Variants in CNBD1 observed in about 807,000 individuals in gnomAD.
CNBD1 encodes the protein cyclic nucleotide binding domain containing 1.
In CNBD1, 71 loss-of-function variants were observed where a neutral mutation model predicts 54.4. That is an observed-to-expected ratio of 1.30 (90% CI 1.08 to 1.59). CNBD1 has a LOEUF of 1.59. Among genes scored for constraint, CNBD1 ranks in the 40% most tolerant of loss-of-function variants. The pLI, the probability that CNBD1 is intolerant of heterozygous loss-of-function variation, is 0.00. For missense variants in CNBD1, 659 were observed against 518.0 expected (o/e 1.27, Z -2.64); for synonymous variants, 182 against 170.7 (o/e 1.07, Z -0.51).
intron 4 of CNBD1, among the ~76,000 whole-genome samples, chr8:87,028,062 C>A (rs959958846): frequency 6.6e-6 from 1 of 152,158 alleles, no homozygotes; most frequent in Non-Finnish European, 1.5e-5. Flanking sequence ...ACACAACACA[C>A]AATTACAAGC....
intron 5 of CNBD1, among the ~76,000 whole-genome samples, chr8:87,220,441 C>G (rs1403709242): frequency 6.6e-6 from 1 of 151,290 alleles, no homozygotes; most frequent in Non-Finnish European, 1.5e-5. Context: ...GTCTCTGCAA[C>G]TTCACTTTCT....
intron 4 of CNBD1, among the ~76,000 whole-genome samples, chr8:87,087,256 T>C (rs1168484018): frequency 7.1e-6 from 1 of 141,366 alleles, no homozygotes; most frequent in East Asian, 2.0e-4. Context: ...CGTATATATA[T>C]ATATACATAT....
At chr8:87,093,597 C>G (rs779363259) in intron 4 of CNBD1, among the ~76,000 whole-genome samples, 1 of 152,128 alleles carries the variant, frequency 6.6e-6, no homozygotes, top group Non-Finnish European at 1.5e-5. Context: ...TTCACAGTAA[C>G]GCCGAGATTG....
intron 4 of CNBD1, among the ~76,000 whole-genome samples, chr8:87,008,245 C>T (rs780894950): frequency 2.6e-5 from 4 of 152,086 alleles, no homozygotes; most frequent in South Asian, 2.1e-4. Context: ...TTGTTTTTAA[C>T]GTAATCTTTA....
At chr8:87,091,808 C>T (rs1406358033) in intron 4 of CNBD1, among the ~76,000 whole-genome samples, 2 of 148,920 alleles carry the variant, frequency 1.3e-5, no homozygotes, top group African/African-American at 5.0e-5. Flanking sequence ...TTTTTTTTTG[C>T]ATTAAAGGTG....
rs575658861 is a variant in CNBD1, at chr8:87,028,051, C to A, written c.431+88297C>A. Among the ~76,000 whole-genome samples the A allele has an allele frequency of 2.4e-3, 368 of 152,238 alleles. 4 individuals carry two copies. The highest frequency in any genetic ancestry group is 4.3e-3 in the Non-Finnish European group (292 of 68,014). On this transcript the variant is annotated intron_variant, in intron 4 of 10. Transcript: ENST00000518476. ...TCCCTGGACACACACACACACACAA[C>A]ACACAACACACAATTACAAGCATGT...
intron 4 of CNBD1, among the ~76,000 whole-genome samples, chr8:86,998,390 C>T (rs1182867213): frequency 1.3e-5 from 2 of 152,096 alleles, no homozygotes; most frequent in African/African-American, 4.8e-5. Flanking sequence ...GCCATTTTTA[C>T]ACGGTGAAAT....
intron 2 of CNBD1, among the ~76,000 whole-genome samples, chr8:87,412,686 A>G (rs1316246904): frequency 6.6e-6 from 1 of 152,092 alleles, no homozygotes; most frequent in Non-Finnish European, 1.5e-5. Context: ...TTATTTAGCT[A>G]AAGTTTGAGG....
intron 6 of CNBD1, among the ~76,000 whole-genome samples, chr8:87,240,924 C>T (rs1807684732): frequency 6.6e-6 from 1 of 152,066 alleles, no homozygotes; most frequent in Non-Finnish European, 1.5e-5. Flanking sequence ...AGGAGGTTCT[C>T]CAGGGTTGTT....
At chr8:87,217,181 T>C (rs1420539643) in intron 5 of CNBD1, among the ~76,000 whole-genome samples, 1 of 152,140 alleles carries the variant, frequency 6.6e-6, no homozygotes, top group Non-Finnish European at 1.5e-5. Flanking sequence ...AATAAATATG[T>C]GTTTATTTTA....
intron 5 of CNBD1, among the ~76,000 whole-genome samples, chr8:87,226,271 G>A (rs960120602): frequency 2.0e-5 from 3 of 150,660 alleles, no homozygotes; most frequent in African/African-American, 7.4e-5. Flanking sequence ...GTTATTTCTT[G>A]CCTTCTGCTA....
At chr8:87,363,378 G>T (rs1475561338) in intron 10 of CNBD1, among the ~76,000 whole-genome samples, 1 of 152,094 alleles carries the variant, frequency 6.6e-6, no homozygotes, top group Non-Finnish European at 1.5e-5. Context: ...TGGGATTGCT[G>T]GGTCAAATGA....
intron 10 of CNBD1, among the ~76,000 whole-genome samples, chr8:87,380,272 A>G (rs778345401): frequency 2.0e-5 from 3 of 151,970 alleles, no homozygotes; most frequent in Non-Finnish European, 4.4e-5. Flanking sequence ...AATGGACATG[A>G]TAATACTTAA....
chr8:86,988,251 G>T (rs554211008), intron 4 of CNBD1, among the ~76,000 whole-genome samples: 1 of 151,470 alleles, frequency 6.6e-6, no homozygotes, highest in African/African-American at 2.4e-5. Flanking sequence ...ATGTTTCCAG[G>T]AACTTATCTA....
intron 6 of CNBD1, among the ~76,000 whole-genome samples, chr8:87,257,103 C>A (rs935805316): frequency 6.6e-6 from 1 of 152,074 alleles, no homozygotes; most frequent in East Asian, 1.9e-4. Context: ...GGCATGGTGG[C>A]TCATGCCTGT....
intron 10 of CNBD1, among the ~76,000 whole-genome samples, chr8:87,378,285 A>G (rs1157254561): frequency 6.9e-6 from 1 of 145,676 alleles, no homozygotes; most frequent in Non-Finnish European, 1.5e-5. Context: ...TTATGGTTTT[A>G]GGACTAACGT....
intron 2 of CNBD1, among the ~76,000 whole-genome samples, chr8:87,393,424 T>C (rs1811349299): frequency 6.6e-6 from 1 of 151,964 alleles, no homozygotes; most frequent in Non-Finnish European, 1.5e-5. Flanking sequence ...AAAGTACACA[T>C]ATGCACTAAA....
chr8:87,183,385 G>GTTTTTTT (rs3056356), intron 4 of CNBD1, among the ~76,000 whole-genome samples: 3 of 118,428 alleles, frequency 2.5e-5, no homozygotes, highest in African/African-American at 3.1e-5. Flanking sequence ...TGCGCTGTTT[G>GTTTTTTT]TTTTTTTTTT....
chr8:87,249,887 G>C (rs1405587060), intron 6 of CNBD1, among the ~76,000 whole-genome samples: 2 of 152,152 alleles, frequency 1.3e-5, no homozygotes, highest in Non-Finnish European at 2.9e-5. Context: ...GAAATCATTG[G>C]AGAAACTCTT....
Sources: gnomAD v4.1 joint callset for allele counts (sites outside exome capture counted in the v4.1 genomes callset) on GRCh38, gnomAD v4.1.1 for gene constraint, MANE v1.5 for transcripts, NCBI Gene and HGNC (gene_info 2026-07-23, HGNC 2026-07-21) for gene names.